IARS1: variants seen among roughly 807,000 people sequenced by gnomAD.
The protein encoded by IARS1 is isoleucyl-tRNA synthetase 1, also known as isoleucine--tRNA ligase, cytoplasmic.
IARS1 carries 124 observed loss-of-function variants against 168.2 expected under a neutral mutation model. The observed-to-expected ratio is 0.74, with a 90% confidence interval of 0.64 to 0.86. The LOEUF is 0.86. Ranked by LOEUF, IARS1 falls within the 40% of genes least tolerant of loss-of-function variation. The probability of loss-of-function intolerance (pLI) is 0.00; values close to 1 mark genes in which losing one functional copy is unlikely to be tolerated. For missense variants in IARS1, 1,452 were observed against 1,515.8 expected, an observed-to-expected ratio of 0.96 and a Z score of 0.70; for synonymous variants, 532 against 529.4, an observed-to-expected ratio of 1.00 and a Z score of -0.07.
intron 31 of IARS1, among the ~76,000 whole-genome samples, chr9:92,224,849 A>T (rs1254435780): frequency 6.6e-6 from 1 of 151,982 alleles, no homozygotes; most frequent in East Asian, 1.9e-4. Flanking sequence ...TAAAAAATAA[A>T]AAATAAATAA....
chr9:92,285,760 T>A lies in IARS1; in HGVS notation c.559A>T (p.Thr187Ser). 1 of 1,612,798 alleles carries A rather than the reference T, an allele frequency of 6.2e-7. No homozygotes were observed. The highest frequency in any genetic ancestry group is 2.2e-5 in the East Asian group (1 of 44,862). ...TGTGACTCGAAGTTGGAAAGTGGAG[T>A]GTTACATGCCGTAGAGAAGGGCATG... The part of the protein sequence containing the change: ...KVMPFSTACN[T>S]PLSNFESHQN... The change falls in exon 6 of 34, where the codon ACT (threonine) becomes TCT (serine). Residue 187 changes from threonine (T) to serine (S), a missense_variant. Physicochemically the swap from Thr to Ser is moderately conservative, Grantham distance 58. Transcript: ENST00000443024.
intron 29 of IARS1, among the ~76,000 whole-genome samples, chr9:92,241,223 CT>C (rs1291954285): frequency 6.6e-6 from 1 of 152,230 alleles, no homozygotes; most frequent in Non-Finnish European, 1.5e-5. Flanking sequence ...TGAAACTACA[CT>C]GCAACTCGCC....
At chr9:92,253,499 A>C in intron 20 of IARS1, 46 bp from the exon 21 acceptor site, 1 of 1,264,824 alleles carries the variant, frequency 7.9e-7, no homozygotes, top group Non-Finnish European at 1.2e-6. Context: ...GTTACCAGGC[A>C]TCTGGGGTGG....
At chr9:92,245,140 TA>T in intron 26 of IARS1, 69 bp from the exon 27 acceptor site, 3 of 1,192,956 alleles carry the variant, frequency 2.5e-6, no homozygotes, top group Non-Finnish European at 3.8e-6. Flanking sequence ...ACCCGTGTAT[TA>T]TGCCCCTTCT....
In IARS1 at chr9:92,259,016, A is replaced by G; in HGVS notation, c.1872-18T>C. On this transcript the variant is annotated intron_variant, in intron 18 of 33. Transcript: ENST00000443024. The stretch of plus-strand genomic sequence containing the variant: ...GATATAATCTGGAAGAGGGAGAAAA[A>G]TTAGACAGAAAAGGTACTTAGACAG... 6.3e-7 allele frequency: 1 copy of G among 1,583,632 alleles called. No homozygotes were observed. Among genetic ancestry groups the G allele is most frequent in the Non-Finnish European group, 8.6e-7 (1 of 1,168,326 alleles).
chr9:92,258,103 C>T (rs1193312885), intron 19 of IARS1, among the ~76,000 whole-genome samples: 2 of 152,198 alleles, frequency 1.3e-5, no homozygotes, highest in Non-Finnish European at 1.5e-5. Flanking sequence ...CTCAGATTAG[C>T]CCAAATGCCA....
At chr9:92,212,516 T>C (rs916627588) in intron 33 of IARS1, among the ~76,000 whole-genome samples, 14 of 152,220 alleles carry the variant, frequency 9.2e-5, no homozygotes, top group Admixed American at 2.0e-4. Flanking sequence ...CATACAGACA[T>C]GGTTCTACCC....
At chr9:92,229,201 G>A in intron 30 of IARS1, 75 bp from the exon 31 acceptor site, 5 of 1,491,146 alleles carry the variant, frequency 3.4e-6, no homozygotes, top group Non-Finnish European at 3.7e-6. Context: ...GGAGGAAAAG[G>A]GATACAAAGG....
chr9:92,293,157 T>C (rs1484995744), intron 1 of IARS1, among the ~76,000 whole-genome samples: 2 of 152,230 alleles, frequency 1.3e-5, no homozygotes, highest in Admixed American at 1.3e-4. Context: ...AGTTATATCC[T>C]ATTAACATAG....
In IARS1 at chr9:92,210,439, C is replaced by T. The variant is rs1837572243; in HGVS notation, c.*368G>A. 1 of 159,470 alleles carries T rather than the reference C, an allele frequency of 6.3e-6. No homozygotes were observed. The highest frequency in any genetic ancestry group is 2.4e-5 in the African/African-American group (1 of 41,654). 9.9% of individuals were successfully genotyped at this position (159,470 alleles called of 1,614,324 possible). Reference sequence around the variant, plus strand: ...AGGTGGCAGAAATATATAATATGTCCATTTCATCAAGAGGTCTCAAATAAA... The same window carrying T: ...AGGTGGCAGAAATATATAATATGTCTATTTCATCAAGAGGTCTCAAATAAA... On this transcript the variant is annotated 3_prime_UTR_variant, in exon 34 of 34. Coordinates refer to ENST00000443024, the MANE Select transcript of IARS1 (RefSeq NM_002161.6).
chr9:92,254,463 G>A (rs1830445669), intron 20 of IARS1, among the ~76,000 whole-genome samples: 1 of 152,238 alleles, frequency 6.6e-6, no homozygotes, highest in Non-Finnish European at 1.5e-5. Context: ...TAAGAGACGA[G>A]AAGTTGCAAC....
chr9:92,236,332 T>C (rs936296888), intron 30 of IARS1, among the ~76,000 whole-genome samples: 1 of 152,194 alleles, frequency 6.6e-6, no homozygotes. Flanking sequence ...AGCAGGTTAA[T>C]AACCACATAA....
chr9:92,230,309 C>T (rs1370560094), intron 30 of IARS1, among the ~76,000 whole-genome samples: 1 of 152,098 alleles, frequency 6.6e-6, no homozygotes, highest in African/African-American at 2.4e-5. Context: ...GACGGGGTTT[C>T]ACCATGTTGG....
At chr9:92,249,511 C>T (rs780003787) in intron 25 of IARS1, among the ~76,000 whole-genome samples, 41 of 152,042 alleles carry the variant, frequency 2.7e-4, no homozygotes, top group Non-Finnish European at 3.5e-4. Flanking sequence ...CACTACTGCA[C>T]TCTAGCCTGG....
chr9:92,235,644 A>C (rs968671074), intron 30 of IARS1, among the ~76,000 whole-genome samples: 2 of 146,486 alleles, frequency 1.4e-5, no homozygotes, highest in African/African-American at 5.1e-5. Flanking sequence ...CAATAATCCT[A>C]CTCTCCTGAG....
chr9:92,247,592 A>G (rs754885273), intron 25 of IARS1, 41 bp from the exon 26 acceptor site: 1 of 1,579,122 alleles, frequency 6.3e-7, no homozygotes, highest in Non-Finnish European at 8.7e-7. Context: ...TGAGAAATGA[A>G]AACATATGTT....
At chr9:92,275,171 T>C (rs989500523) in intron 9 of IARS1, among the ~76,000 whole-genome samples, 8 of 152,266 alleles carry the variant, frequency 5.3e-5, no homozygotes, top group African/African-American at 1.9e-4. Context: ...GGCCCTTTGA[T>C]GTCCTTCCTT....
In IARS1 at chr9:92,223,036, G is replaced by T. The variant is rs191225592; in HGVS notation, c.3553+310C>A. On this transcript the variant is annotated intron_variant, in intron 32 of 33. Transcript: ENST00000443024. ...CTAGTCTGTTGATTAAGGCATGGAG[G>T]TATAGAAGTTTTCAGAACATTTTTC... Among the ~76,000 whole-genome samples, 100 of 152,246 alleles carry T rather than the reference G, an allele frequency of 6.6e-4. 1 individual carries two copies. Among genetic ancestry groups the T allele is most frequent in the Middle Eastern group, 3.4e-3 (1 of 294 alleles).
intron 7 of IARS1, 30 bp downstream of exon 7, chr9:92,280,716 T>A (rs374022009): frequency 1.3e-6 from 2 of 1,486,874 alleles, no homozygotes; most frequent in African/African-American, 2.8e-5. Flanking sequence ...CTTATCCATA[T>A]TAATCATAAG....
Sources: allele counts gnomAD v4.1 joint callset (sites outside exome capture counted in the v4.1 genomes callset), GRCh38; gene constraint gnomAD v4.1.1; transcripts MANE v1.5; gene names NCBI Gene and HGNC (gene_info 2026-07-23, HGNC 2026-07-21).